Variants in MEGF10 observed in about 807,000 individuals in gnomAD.
The protein encoded by MEGF10 is multiple epidermal growth factor-like domains protein 10.
MEGF10 carries 86 observed loss-of-function variants against 147.5 expected under a neutral mutation model. The ratio of observed to expected loss-of-function variants is 0.58; its 90% CI spans 0.49 to 0.70. The LOEUF is 0.70. Among genes scored for constraint, MEGF10 ranks in the 30% least tolerant of loss-of-function variants. The probability of loss-of-function intolerance (pLI) is 0.00; values close to 1 mark genes in which losing one functional copy is unlikely to be tolerated. For synonymous variants in MEGF10, 478 were observed against 525.5 expected (o/e 0.91, Z 1.24); for missense variants, 1,329 against 1,487.3 (o/e 0.89, Z 1.75).
Position 127,331,364 on chromosome 5 carries a change from G to A in MEGF10, c.56G>A (p.Trp19Ter), listed in dbSNP as rs1046147552. ...LSFICLLLCHWIGTASPLNLE... is the reference protein window; with the variant it reads ...LSFICLLLCH The stretch of plus-strand genomic sequence containing the variant: ...TTTATTTGTTTATTGTTATGCCACT[G>A]GATTGGGACAGCATCACCTCTGAAT... Residue 19 changes from tryptophan to a stop codon, truncating the protein, a stop_gained, in exon 2 of 25, where the codon TGG becomes TAG. Coordinates refer to ENST00000503335, the MANE Select transcript of MEGF10 (RefSeq NM_001256545.2). LOFTEE classifies it high-confidence loss of function. 1 of 1,613,412 alleles carries A rather than the reference G, an allele frequency of 6.2e-7. No individual in the cohort carries two copies.
chr5:127,329,245 C>G (rs1436468121), intron 1 of MEGF10, among the ~76,000 whole-genome samples: 2 of 152,094 alleles, frequency 1.3e-5, no homozygotes, highest in Non-Finnish European at 2.9e-5. Context: ...ACTATTTACG[C>G]TTTATCTATT....
At chr5:127,266,399 T>A in the MEGF10 span, among the ~76,000 whole-genome samples, 1 of 152,190 alleles carries the variant, frequency 6.6e-6, no homozygotes, top group Admixed American at 6.5e-5. Flanking sequence ...GTCTTGGAAA[T>A]GTGGGCTCTT....
At chr5:127,230,560 AAG>A in the MEGF10 span, among the ~76,000 whole-genome samples, 324 of 44,830 alleles carry the variant, frequency 7.2e-3, 3 homozygotes, top group Middle Eastern at 0.1. Flanking sequence ...AGATGAATGA[AAG>A]AAAGAAAATA....
chr5:127,420,188 A>G lies in MEGF10; in HGVS notation c.1571A>G (p.Lys524Arg). 6.2e-7 allele frequency: 1 copy of G among 1,614,144 alleles called. No homozygotes were observed. Among genetic ancestry groups the G allele is most frequent in the South Asian group, 1.1e-5 (1 of 91,064 alleles). Reference sequence around the variant, plus strand: ...TGTGCACCTGGATGGCGCGGGGAGAAATGCGAACTTCCCTGCCAGGTATGC... The same window carrying G: ...TGTGCACCTGGATGGCGCGGGGAGAGATGCGAACTTCCCTGCCAGGTATGC... ...CTCAPGWRGE[K>R]CELPCQDGTY... Residue 524 changes from lysine to arginine, a missense_variant, in exon 12 of 25, where the codon AAA becomes AGA. By Grantham distance (26) the Lys-to-Arg change is conservative (BLOSUM62 2). Transcript: ENST00000503335.
intron 3 of MEGF10, 111 bp downstream of exon 3, chr5:127,339,332 G>T: frequency 1.4e-6 from 1 of 704,094 alleles, no homozygotes; most frequent in South Asian, 2.0e-5. Flanking sequence ...AATAGGTATT[G>T]AGGGCTTGCT....
rs1413512744 is a variant in MEGF10 at position 127,445,712 on chromosome 5, G to A, written c.2728+19G>A. The A allele has an allele frequency of 4.4e-6, 7 of 1,583,484 alleles. No individual in the cohort carries two copies. On this transcript the variant is annotated intron_variant, in intron 20 of 24. Coordinates refer to ENST00000503335, the MANE Select transcript of MEGF10 (RefSeq NM_001256545.2). ...ATTTCAGGTAAGAGCAGAGGCAGGA[G>A]AGGCATTTTGCTTCTTGAAAAGTTA...
At position 127,333,702 on chromosome 5, in the gene MEGF10, G is replaced by T. The variant is rs544738002; in HGVS notation, c.116+2278G>T. 2.6e-5 allele frequency among the ~76,000 whole-genome samples: 4 copies of T among 152,252 alleles called. No individual in the cohort carries two copies. In the South Asian group the frequency reaches 8.3e-4, roughly 32 times the overall value. ...TTCCCACTGTCTAAAACACTGCCTT[G>T]CATGTGGCATGTGTTTAATAAATTG... On this transcript the variant is annotated intron_variant, in intron 2 of 24. Transcript: ENST00000503335.
At chr5:127,252,895 A>T in the MEGF10 span, among the ~76,000 whole-genome samples, 1 of 151,882 alleles carries the variant, frequency 6.6e-6, no homozygotes, top group Non-Finnish European at 1.5e-5. Context: ...TTTCAGCGCA[A>T]AGACATGAAT....
chr5:127,370,088 C>G, intron 5 of MEGF10, 86 bp downstream of exon 5: 1 of 923,402 alleles, frequency 1.1e-6, no homozygotes, highest in Non-Finnish European at 1.7e-6. Flanking sequence ...GCCATGCTTT[C>G]CCTCTTCATC....
the MEGF10 span, among the ~76,000 whole-genome samples, chr5:127,264,918 T>C: frequency 1.3e-5 from 2 of 150,098 alleles, no homozygotes; most frequent in Admixed American, 1.3e-4. Context: ...ATTACCCAGG[T>C]ATTTTTTTTT....
At chr5:127,320,509 T>A (rs1262509510) in intron 1 of MEGF10, among the ~76,000 whole-genome samples, 1 of 152,202 alleles carries the variant, frequency 6.6e-6, no homozygotes, top group Non-Finnish European at 1.5e-5. Context: ...TGTGGCACTT[T>A]ATCTACTGAA....
chr5:127,389,448 C>G (rs931224993), intron 5 of MEGF10, among the ~76,000 whole-genome samples: 2 of 152,118 alleles, frequency 1.3e-5, no homozygotes, highest in Admixed American at 6.6e-5. Flanking sequence ...ATAAATTGTT[C>G]CAACATAAAG....
rs773689780 is a variant in MEGF10, at chr5:127,457,157, T to C, written c.3262T>C (p.Phe1088Leu). Residue 1088 changes from phenylalanine (F) to leucine (L), a missense_variant, in exon 25 of 25, where the codon TTC becomes CTC. This residue lies in a region of MEGF10 where 343 missense variants were observed against 377.9 expected (regional missense o/e 0.91). Coordinates refer to ENST00000503335, the MANE Select transcript of MEGF10 (RefSeq NM_001256545.2). ...TACAGTGAGTGTTGTCCAAGGAGTA[T>C]TCAGCAATAATGGGCGTCTCTCCCA... ...EPTVSVVQGV[F>L]SNNGRLSQDP... 9.9e-6 allele frequency: 16 copies of C among 1,613,908 alleles called. No homozygotes were observed. Among genetic ancestry groups the C allele is most frequent in the Non-Finnish European group, 1.3e-5 (15 of 1,179,924 alleles).
chr5:127,440,017 T>A (rs1226111324), intron 17 of MEGF10, among the ~76,000 whole-genome samples: 1 of 152,172 alleles, frequency 6.6e-6, no homozygotes, highest in Non-Finnish European at 1.5e-5. Flanking sequence ...GAAACAATCA[T>A]TGAATCAGCC....
At chr5:127,328,063 A>G (rs1761109591) in intron 1 of MEGF10, among the ~76,000 whole-genome samples, 1 of 152,156 alleles carries the variant, frequency 6.6e-6, no homozygotes, top group Admixed American at 6.5e-5. Flanking sequence ...CAGTGCCTTT[A>G]TTAAACAAGA....
chr5:127,419,368 G>T (rs1764897589), intron 11 of MEGF10, 128 bp downstream of exon 11: 2 of 1,132,416 alleles, frequency 1.8e-6, no homozygotes, highest in Non-Finnish European at 1.3e-6. Context: ...ACCTCCGCAA[G>T]CCCCTCATCC....
intron 4 of MEGF10, among the ~76,000 whole-genome samples, chr5:127,343,336 G>A (rs1223192155): frequency 6.6e-6 from 1 of 151,970 alleles, no homozygotes; most frequent in Non-Finnish European, 1.5e-5. Context: ...GCACCTTCAG[G>A]AGAGCAGGTC....
At chr5:127,231,760 C>T in the MEGF10 span, among the ~76,000 whole-genome samples, 4 of 152,296 alleles carry the variant, frequency 2.6e-5, no homozygotes, top group African/African-American at 9.6e-5. Flanking sequence ...CCCCTTCCTT[C>T]ATTAGCCCAG....
chr5:127,377,461 A>C lies in MEGF10; in HGVS notation c.412+7459A>C, dbSNP rs1034828750. Reference sequence around the variant, plus strand: ...AATTAGCTTTGGTCTAGAAACTCCAAACTTGGGTTTTATTGAGTCACTAAT... The same window carrying C: ...AATTAGCTTTGGTCTAGAAACTCCACACTTGGGTTTTATTGAGTCACTAAT... On this transcript the variant is annotated intron_variant, in intron 5 of 24. Coordinates refer to ENST00000503335, the MANE Select transcript of MEGF10 (RefSeq NM_001256545.2). Among the ~76,000 whole-genome samples the C allele has an allele frequency of 2.0e-5, 3 of 152,296 alleles. No homozygotes were observed. The East Asian group carries it at 5.8e-4, about 29-fold the overall frequency.
Sources: gnomAD v4.1 joint callset for allele counts (sites outside exome capture counted in the v4.1 genomes callset) on GRCh38, gnomAD v4.1.1 for gene constraint, gnomAD v4.1.1 regional missense constraint, MANE v1.5 for transcripts, NCBI Gene and HGNC (gene_info 2026-07-23, HGNC 2026-07-21) for gene names.